ADAMTS2: variants seen among roughly 807,000 people sequenced by gnomAD.
ADAMTS2 encodes the protein A disintegrin and metalloproteinase with thrombospondin motifs 2.
ADAMTS2 carries 50 observed loss-of-function variants against 123.0 expected under a neutral mutation model. The observed-to-expected ratio is 0.41, with a 90% CI of 0.32 to 0.51. The LOEUF (loss-of-function observed/expected upper bound fraction) is 0.51, where lower values mean the gene tolerates loss of function less well. ADAMTS2 is among the 20% of genes least tolerant of loss of function. The pLI is 0.35. For synonymous variants in ADAMTS2, 678 were observed against 695.4 expected (o/e 0.98, Z 0.39); for missense variants, 1,494 against 1,705.2 (o/e 0.88, Z 2.18).
chr5:179,226,623 A>G (rs1765299230), intron 3 of ADAMTS2, among the ~76,000 whole-genome samples: 1 of 152,086 alleles, frequency 6.6e-6, no homozygotes, highest in South Asian at 2.1e-4. Flanking sequence ...TAAAGAAACA[A>G]CCTGCATCAG....
At chr5:179,251,423 T>C (rs1183862945) in intron 3 of ADAMTS2, among the ~76,000 whole-genome samples, 1 of 152,052 alleles carries the variant, frequency 6.6e-6, no homozygotes, top group Non-Finnish European at 1.5e-5. Flanking sequence ...CCCCAATTTA[T>C]GAATTAAACA....
intron 2 of ADAMTS2, among the ~76,000 whole-genome samples, chr5:179,320,645 CCT>C (rs1044560304): frequency 6.6e-6 from 1 of 152,132 alleles, no homozygotes; most frequent in African/African-American, 2.4e-5. Context: ...TAGCACAGCC[CCT>C]GTGTCACTCA....
intron 4 of ADAMTS2, among the ~76,000 whole-genome samples, chr5:179,203,955 G>A (rs546095287): frequency 6.6e-6 from 1 of 152,328 alleles, no homozygotes; most frequent in Admixed American, 6.5e-5. Context: ...GAGTGCCCAT[G>A]GATGGCTGGA....
In ADAMTS2 at chr5:179,196,499, G is replaced by A. The variant is rs116754951; in HGVS notation, c.891+11014C>T. On this transcript the variant is annotated intron_variant, in intron 4 of 21. Coordinates refer to ENST00000251582, the MANE Select transcript of ADAMTS2 (RefSeq NM_014244.5). ...GGAAACCTGCTCCTCCTGCTCTGCC[G>A]TTCTACAGCGGTTAAGAGCAGTTCA... 6.9e-3 allele frequency among the ~76,000 whole-genome samples: 1,045 copies of A among 152,286 alleles called. 6 individuals carry two copies. Among genetic ancestry groups the A allele is most frequent in the Non-Finnish European group, 0.011 (773 of 68,032 alleles).
intron 2 of ADAMTS2, among the ~76,000 whole-genome samples, chr5:179,313,016 T>C (rs1335595054): frequency 1.3e-5 from 2 of 152,264 alleles, no homozygotes; most frequent in South Asian, 2.1e-4. Context: ...GTGTTGTCAG[T>C]GAGCTAAACC....
chr5:179,288,825 G>A (rs1227965818), intron 2 of ADAMTS2, among the ~76,000 whole-genome samples: 1 of 152,216 alleles, frequency 6.6e-6, no homozygotes, highest in Non-Finnish European at 1.5e-5. Flanking sequence ...CAAGGGACAA[G>A]GCCACCAGGT....
intron 3 of ADAMTS2, among the ~76,000 whole-genome samples, chr5:179,222,278 T>C (rs1363091699): frequency 6.6e-6 from 1 of 151,186 alleles, no homozygotes; most frequent in Non-Finnish European, 1.5e-5. Context: ...ACCACGGTGT[T>C]GACGAGGCTT....
rs576129167 is a variant in ADAMTS2 at position 179,150,954 on chromosome 5, C to T, written c.1629+1188G>A. ...CTGTGTGATCCAGACTGGAGAGCAG[C>T]GACGCGATCTTGGCTCACCGCAACC... is the stretch of plus-strand genomic sequence containing the variant. On this transcript the variant is annotated intron_variant, in intron 10 of 21. Transcript: ENST00000251582. The T allele has an allele frequency of 3.4e-4, 63 of 183,210 alleles. 1 individual carries two copies. In the South Asian group the frequency reaches 5.4e-3, roughly 16 times the overall value. The allele number at this position is 183,210 out of a possible 1,614,324, so 11.3% of individuals were successfully genotyped here.
chr5:179,114,684 A>G (rs1581132825), intron 21 of ADAMTS2, among the ~76,000 whole-genome samples: 1 of 152,232 alleles, frequency 6.6e-6, no homozygotes, highest in Non-Finnish European at 1.5e-5. Context: ...ACTTTATCAC[A>G]TCTTCACATT....
rs961224861 is a variant in ADAMTS2, at chr5:179,262,016, C to T, written c.688+10895G>A. Among the ~76,000 whole-genome samples the T allele has an allele frequency of 9.2e-5, 14 of 152,226 alleles. No homozygotes were observed. Among genetic ancestry groups the T allele is most frequent in the African/African-American group, 2.9e-4 (12 of 41,460 alleles). ...GGGCTGCATTGGGGGCTCCTGCCCC[C>T]GCCCCGTGAGTCTGGGAACACATGG... On this transcript the variant is annotated intron_variant, in intron 3 of 21. Coordinates refer to ENST00000251582, the MANE Select transcript of ADAMTS2 (RefSeq NM_014244.5). This position sits in a 1 kb window ranked among gnomAD's most constrained non-coding sequence, Gnocchi z 5.9.
At chr5:179,298,690 G>C (rs544701176) in intron 2 of ADAMTS2, among the ~76,000 whole-genome samples, 1 of 152,158 alleles carries the variant, frequency 6.6e-6, no homozygotes, top group Non-Finnish European at 1.5e-5. Context: ...TAGAGGGGTT[G>C]AGGGGGAGGC....
At chr5:179,328,875 C>T (rs762854316) in intron 2 of ADAMTS2, among the ~76,000 whole-genome samples, 5 of 152,098 alleles carry the variant, frequency 3.3e-5, no homozygotes, top group African/African-American at 7.2e-5. Context: ...ATGAAGATGT[C>T]GTTCATTTGT....
rs188240308 is a variant in ADAMTS2 at position 179,201,765 on chromosome 5, G to A, written c.891+5748C>T. On this transcript the variant is annotated intron_variant, in intron 4 of 21. Transcript: ENST00000251582. ...TGCAGTGAGCCAAGATCACACCACT[G>A]TACTCCAGCCTGGGCGACAGAGTGA... Among the ~76,000 whole-genome samples, 5 of 152,030 alleles carry A rather than the reference G, an allele frequency of 3.3e-5. No homozygotes were observed. The East Asian group carries it at 9.7e-4, about 29-fold the overall frequency.
At chr5:179,121,940 T>A (rs1762771986) in intron 20 of ADAMTS2, 190 bp from the exon 21 acceptor site, 2 of 448,084 alleles carry the variant, frequency 4.5e-6, no homozygotes, top group Admixed American at 8.4e-5. Context: ...GCAGCCGGGG[T>A]CTCAGCTGGG....
In ADAMTS2 at chr5:179,189,333, C is replaced by T. The variant is rs575036542; in HGVS notation, c.892-8178G>A. Among the ~76,000 whole-genome samples, 254 of 150,854 alleles carry T rather than the reference C, an allele frequency of 1.7e-3. 1 individual carries two copies. The highest frequency in any genetic ancestry group is 3.4e-3 in the Middle Eastern group (1 of 294). On this transcript the variant is annotated intron_variant, in intron 4 of 21. Coordinates refer to ENST00000251582, the MANE Select transcript of ADAMTS2 (RefSeq NM_014244.5). This position sits in a 1 kb window ranked among gnomAD's most constrained non-coding sequence, Gnocchi z 4.2. Reference sequence around the variant, plus strand: ...TTCGTTGGTATAGGTTTGGGATAGACGGTGGAGTTAGGAGCAATTTTTTTT... The same window carrying T: ...TTCGTTGGTATAGGTTTGGGATAGATGGTGGAGTTAGGAGCAATTTTTTTT...
rs377711546 is a variant in ADAMTS2, at chr5:179,231,167, G to A, written c.689-23452C>T. On this transcript the variant is annotated intron_variant, in intron 3 of 21. Transcript: ENST00000251582. ...GCCCAGAAGGACAAATACGGCACTC[G>A]TCCACTCACATGAGGATCTGTAATC... is the stretch of plus-strand genomic sequence containing the variant. Among the ~76,000 whole-genome samples, 143 of 152,236 alleles carry A rather than the reference G, an allele frequency of 9.4e-4. No individual in the cohort carries two copies. The Middle Eastern group carries it at 0.01, about 11-fold the overall frequency.
intron 10 of ADAMTS2, among the ~76,000 whole-genome samples, chr5:179,146,739 CAG>C (rs1218732919): frequency 6.6e-6 from 1 of 152,052 alleles, no homozygotes; most frequent in Non-Finnish European, 1.5e-5. Context: ...TTTTTGAAGT[CAG>C]AGTTATTATT....
At chr5:179,339,015 C>T (rs1459206658) in intron 2 of ADAMTS2, among the ~76,000 whole-genome samples, 3 of 152,170 alleles carry the variant, frequency 2.0e-5, no homozygotes, top group Non-Finnish European at 2.9e-5. Context: ...GCAGGCAAGC[C>T]TGGAGCCCAG....
At chr5:179,173,007 C>G (rs1427766089) in intron 5 of ADAMTS2, among the ~76,000 whole-genome samples, 1 of 151,304 alleles carries the variant, frequency 6.6e-6, no homozygotes, top group East Asian at 1.9e-4. Context: ...GAGTTCAAGA[C>G]CAGCCTGGGC....
Sources: gnomAD v4.1 joint callset for allele counts (sites outside exome capture counted in the v4.1 genomes callset) on GRCh38, gnomAD v4.1.1 for gene constraint, Gnocchi (gnomAD v3.1) non-coding constraint, MANE v1.5 for transcripts, NCBI Gene and HGNC (gene_info 2026-07-23, HGNC 2026-07-21) for gene names.